The following UNC79 variants were observed in gnomAD, a reference collection of about 807,000 sequenced individuals.
UNC79 encodes unc-79 subunit of NALCN channel complex, also known as protein unc-79 homolog.
In UNC79, 37 loss-of-function variants were observed where a neutral mutation model predicts 283.1. That is an observed-to-expected ratio of 0.13 (90% CI 0.10 to 0.17). UNC79 has a LOEUF of 0.17. UNC79 is among the 10% of genes least tolerant of loss of function. The probability of loss-of-function intolerance (pLI) is 1.00; values close to 1 mark genes in which losing one functional copy is unlikely to be tolerated. For synonymous variants in UNC79, 1,107 were observed against 1,200.2 expected, an observed-to-expected ratio of 0.92 and a Z score of 1.61; for missense variants, 2,272 against 3,211.1, an observed-to-expected ratio of 0.71 and a Z score of 7.07.
chr14:93,528,421 A>G (rs1360148891), intron 8 of UNC79, 137 bp from the exon 9 acceptor site: 21 of 714,548 alleles, frequency 2.9e-5, no homozygotes, highest in Non-Finnish European at 4.8e-5. Flanking sequence ...ATTTATCGGT[A>G]AAAAGGGTTT....
chr14:93,550,509 C>T (rs1364791849), intron 14 of UNC79, among the ~76,000 whole-genome samples: 46 of 16,604 alleles, frequency 2.8e-3, no homozygotes, highest in African/African-American at 0.012. Context: ...AGCAAGACTC[C>T]GTATCAAAAA....
At chr14:93,404,005 G>A (rs532609512) in intron 1 of UNC79, among the ~76,000 whole-genome samples, 2 of 151,432 alleles carry the variant, frequency 1.3e-5, no homozygotes, top group African/African-American at 2.4e-5. Context: ...ATAACTTTTT[G>A]GAAACAAATA....
At chr14:93,632,320 G>A (rs2068092932) in intron 31 of UNC79, among the ~76,000 whole-genome samples, 1 of 152,330 alleles carries the variant, frequency 6.6e-6, no homozygotes, top group African/African-American at 2.4e-5. Context: ...AAATCTGTTA[G>A]ATCACATGAT....
At chr14:93,577,943 G>C in exon 18 of UNC79, 3 of 1,614,178 alleles carry the variant, frequency 1.9e-6, no homozygotes, top group South Asian at 2.2e-5. Context: ...TGCGTAGTCC[G>C]TTTCGTAGCC....
At chr14:93,525,144 A>G (rs2060489437) in intron 8 of UNC79, among the ~76,000 whole-genome samples, 1 of 152,134 alleles carries the variant, frequency 6.6e-6, no homozygotes, top group Non-Finnish European at 1.5e-5. Flanking sequence ...GAATGGATTG[A>G]TATTAAGAGC....
intron 34 of UNC79, among the ~76,000 whole-genome samples, chr14:93,646,246 T>C (rs1475711161): frequency 6.6e-6 from 1 of 152,168 alleles, no homozygotes; most frequent in African/African-American, 2.4e-5. Context: ...TATAGTTAGG[T>C]TTCAGAGGTT....
intron 32 of UNC79, among the ~76,000 whole-genome samples, chr14:93,640,921 C>G (rs1355212581): frequency 6.6e-6 from 1 of 152,028 alleles, no homozygotes; most frequent in East Asian, 1.9e-4. Context: ...AGTCAAGAAG[C>G]AAAGAGAGAG....
intron 20 of UNC79, 81 bp downstream of exon 20, chr14:93,582,425 C>T (rs930163948): frequency 1.6e-5 from 25 of 1,555,558 alleles, no homozygotes; most frequent in African/African-American, 1.1e-4. Flanking sequence ...GGTTTAATAT[C>T]GACTTGGGCA....
chr14:93,422,836 G>A lies in UNC79; in HGVS notation c.-350-44835G>A, dbSNP rs576632145. 2.6e-5 allele frequency among the ~76,000 whole-genome samples: 4 copies of A among 151,944 alleles called. No homozygotes were observed. In the South Asian group the frequency reaches 8.3e-4, roughly 32 times the overall value. ...AGCACTTTGGGAGGCCGAGACAGGT[G>A]GATCATGAGGTCAGGAGACTGAGAC... On this transcript the variant is annotated intron_variant, in intron 1 of 49. Transcript: ENST00000256339.
rs1179786727 is a variant in UNC79, at chr14:93,643,509, A to G, written c.5904-48A>G. The G allele has an allele frequency of 1.9e-6, 3 of 1,612,874 alleles. No homozygotes were observed. The African/African-American group carries it at 4.0e-5, about 22-fold the overall frequency. ...TGTGTGTAGTATATTATATCTTGAG[A>G]CCATGGTTCTTTCTTTCATGGAAAG... is the stretch of plus-strand genomic sequence containing the variant. On this transcript the variant is annotated intron_variant, in intron 33 of 48. Coordinates refer to ENST00000555664, the Ensembl canonical transcript of UNC79.
intron 4 of UNC79, among the ~76,000 whole-genome samples, chr14:93,486,675 A>AAAAAAAAG (rs1566986520): frequency 6.8e-6 from 1 of 148,008 alleles, no homozygotes; most frequent in Non-Finnish European, 1.5e-5. Context: ...AAAAAAAAAA[A>AAAAAAAAG]AAAGAAAGAA....
At chr14:93,357,912 T>TGG (rs2054143057) in intron 1 of UNC79, among the ~76,000 whole-genome samples, 1 of 39,194 alleles carries the variant, frequency 2.6e-5, no homozygotes, top group Non-Finnish European at 5.4e-5. Context: ...TATCTATATA[T>TGG]ATCCATATAT....
chr14:93,668,743 C>G lies in UNC79; in HGVS notation c.6637-4608C>G, dbSNP rs375568182. 1.9e-4 allele frequency among the ~76,000 whole-genome samples: 29 copies of G among 150,966 alleles called. No homozygotes were observed. In the East Asian group the frequency reaches 3.5e-3, roughly 18 times the overall value. ...ACCTGTAGTCCCATTGCTTGGGAGG[C>G]TGAGGTGGGAGAATTGCTTAGCCCC... On this transcript the variant is annotated intron_variant, in intron 40 of 48. Transcript: ENST00000555664.
intron 30 of UNC79, among the ~76,000 whole-genome samples, chr14:93,625,491 T>C (rs1327776688): frequency 1.3e-5 from 2 of 152,246 alleles, no homozygotes; most frequent in African/African-American, 4.8e-5. Flanking sequence ...ATGCATCTTC[T>C]CCAGCGATTG....
chr14:93,633,842 G>A (rs576421679), intron 31 of UNC79, among the ~76,000 whole-genome samples: 1 of 152,266 alleles, frequency 6.6e-6, no homozygotes, highest in South Asian at 2.1e-4. Context: ...TAAAAACAAA[G>A]ATGTGTACTA....
intron 12 of UNC79, 120 bp downstream of exon 12, chr14:93,538,338 C>T: frequency 3.0e-6 from 3 of 1,002,220 alleles, no homozygotes; most frequent in Non-Finnish European, 4.2e-6. Flanking sequence ...AGATGCTCAC[C>T]TTCCCACAGT....
At chr14:93,706,866 C>G (rs764199518) in exon 49 of UNC79, 3 of 1,614,192 alleles carry the variant, frequency 1.9e-6, no homozygotes, top group Non-Finnish European at 2.5e-6. Context: ...GGTGGAGATC[C>G]AGTCCTCGGA....
At chr14:93,622,662 A>C in exon 30 of UNC79, 1 of 1,614,190 alleles carries the variant, frequency 6.2e-7, no homozygotes, top group Non-Finnish European at 8.5e-7. Context: ...GCAGAATCTG[A>C]TACAGAACAG....
At chr14:93,641,300 T>A in intron 33 of UNC79, 53 bp downstream of exon 36, 1 of 1,540,572 alleles carries the variant, frequency 6.5e-7, no homozygotes, top group Non-Finnish European at 8.9e-7. Context: ...TAAGTTTGGT[T>A]ACCACAGTGG....
Sources: allele counts gnomAD v4.1 joint callset (sites outside exome capture counted in the v4.1 genomes callset), GRCh38; gene constraint gnomAD v4.1.1; transcripts MANE v1.5; gene names NCBI Gene and HGNC (gene_info 2026-07-23, HGNC 2026-07-21).